The following DNAH14 variants were observed in gnomAD, a reference collection of about 807,000 sequenced individuals.
DNAH14 encodes the protein dynein axonemal heavy chain 14.
A neutral mutation model predicts 520.9 loss-of-function variants in DNAH14; 478 were observed. The observed-to-expected ratio is 0.92, with a 90% CI of 0.85 to 0.99. The LOEUF is 0.99. Among genes scored for constraint, DNAH14 ranks in the 50% least tolerant of loss-of-function variants. The probability of loss-of-function intolerance (pLI) is 0.00; values close to 1 mark genes in which losing one functional copy is unlikely to be tolerated. For missense variants in DNAH14, 4,831 were observed against 5,234.5 expected, an observed-to-expected ratio of 0.92 and a Z score of 2.38; for synonymous variants, 1,581 against 1,757.2, an observed-to-expected ratio of 0.90 and a Z score of 2.51.
At chr1:225,201,370 A>G (rs1165576653) in intron 38 of DNAH14, among the ~76,000 whole-genome samples, 1 of 152,012 alleles carries the variant, frequency 6.6e-6, no homozygotes, top group East Asian at 1.9e-4. Context: ...CAGGTAAATC[A>G]GGGATTTCGT....
At chr1:225,228,836 A>G (rs621210) in intron 41 of DNAH14, among the ~76,000 whole-genome samples, 22,958 of 152,044 alleles carry the variant, frequency 0.15, 2,030 homozygotes, top group East Asian at 0.36. Flanking sequence ...AAATTATAGG[A>G]AAAGATGCAA....
intron 17 of DNAH14, among the ~76,000 whole-genome samples, chr1:225,077,170 A>G (rs2072397421): frequency 6.6e-6 from 1 of 152,208 alleles, no homozygotes; most frequent in Non-Finnish European, 1.5e-5. Flanking sequence ...ATCTATTGAG[A>G]TAATCTTGCA....
At chr1:224,970,251 C>G (rs1255592139) in intron 7 of DNAH14, among the ~76,000 whole-genome samples, 1 of 152,106 alleles carries the variant, frequency 6.6e-6, no homozygotes, top group African/African-American at 2.4e-5. Flanking sequence ...CGCTCCCAGG[C>G]TTATTAGGAC....
intron 8 of DNAH14, among the ~76,000 whole-genome samples, chr1:224,982,768 T>A (rs1277266887): frequency 6.6e-6 from 1 of 152,192 alleles, no homozygotes; most frequent in East Asian, 1.9e-4. Context: ...TGTATTTGCA[T>A]GATTTTGGAG....
chr1:224,958,503 A>C (rs1572053806), intron 3 of DNAH14, among the ~76,000 whole-genome samples: 1 of 152,234 alleles, frequency 6.6e-6, no homozygotes, highest in East Asian at 1.9e-4. Context: ...CTGTGGAAAG[A>C]CATAATCTAA....
chr1:225,020,624 T>G (rs891938582), intron 10 of DNAH14, among the ~76,000 whole-genome samples: 2 of 151,574 alleles, frequency 1.3e-5, no homozygotes, highest in Admixed American at 6.6e-5. Context: ...AGGAAGAAAT[T>G]GAAATCCTGA....
intron 10 of DNAH14, among the ~76,000 whole-genome samples, chr1:225,019,581 C>T (rs2065491936): frequency 6.6e-6 from 1 of 152,112 alleles, no homozygotes; most frequent in Admixed American, 6.5e-5. Flanking sequence ...CTAACAGACA[C>T]CTACAGAACA....
Position 225,202,422 on chromosome 1 carries a change from G to A in DNAH14, c.5887-1761G>A, listed in dbSNP as rs1471350236. On this transcript the variant is annotated intron_variant, in intron 38 of 85. Transcript: ENST00000682510. ...CAGATCAATGGAGTTATGTTCCTAG[G>A]AGGATTATGGCTGCCTCTACTGTGT... Among the ~76,000 whole-genome samples the A allele has an allele frequency of 2.6e-5, 4 of 152,262 alleles. No individual in the cohort carries two copies. The South Asian group carries it at 6.2e-4, about 24-fold the overall frequency.
At chr1:225,274,663 A>G (rs2093422079) in intron 52 of DNAH14, among the ~76,000 whole-genome samples, 1 of 152,236 alleles carries the variant, frequency 6.6e-6, no homozygotes, top group South Asian at 2.1e-4. Context: ...ACTTAACCAG[A>G]CTAAGAAATA....
chr1:224,946,221 G>T (rs1281722444), intron 1 of DNAH14, among the ~76,000 whole-genome samples: 2 of 152,164 alleles, frequency 1.3e-5, no homozygotes, highest in African/African-American at 4.8e-5. Flanking sequence ...TCTCACTGCG[G>T]CCTTGCCCTT....
At chr1:225,349,627 A>G (rs2095336495) in intron 71 of DNAH14, among the ~76,000 whole-genome samples, 1 of 152,212 alleles carries the variant, frequency 6.6e-6, no homozygotes, top group South Asian at 2.1e-4. Context: ...TGCAAGTGGT[A>G]ACCAAAGAGA....
chr1:225,333,246 T>C, intron 65 of DNAH14, 45 bp from the exon 66 acceptor site: 1 of 1,394,030 alleles, frequency 7.2e-7, no homozygotes, highest in Non-Finnish European at 9.7e-7. Flanking sequence ...TATCTCATGA[T>C]AATATATTTT....
chr1:225,211,133 C>G (rs1238130040), intron 41 of DNAH14, among the ~76,000 whole-genome samples: 1 of 152,130 alleles, frequency 6.6e-6, no homozygotes. Flanking sequence ...AGGAAGGCAA[C>G]AAAACTGAAT....
chr1:225,169,238 C>G (rs1433068207), intron 36 of DNAH14, among the ~76,000 whole-genome samples: 2 of 152,172 alleles, frequency 1.3e-5, no homozygotes, highest in African/African-American at 4.8e-5. Flanking sequence ...AATCAGAGAG[C>G]CTCTCCTCCT....
chr1:225,285,750 A>G (rs755625722), intron 54 of DNAH14, among the ~76,000 whole-genome samples: 32 of 152,006 alleles, frequency 2.1e-4, no homozygotes, highest in Non-Finnish European at 4.0e-4. Flanking sequence ...CCAGCTACTC[A>G]GGAGGCTGAG....
chr1:225,029,406 A>T (rs2066369855), intron 11 of DNAH14, among the ~76,000 whole-genome samples: 1 of 152,088 alleles, frequency 6.6e-6, no homozygotes, highest in South Asian at 2.1e-4. Context: ...ATACCTGAGA[A>T]GCATGAATTT....
intron 41 of DNAH14, among the ~76,000 whole-genome samples, chr1:225,209,789 A>G (rs984838850): frequency 1.3e-5 from 2 of 152,196 alleles, no homozygotes; most frequent in South Asian, 4.2e-4. Flanking sequence ...TGCATTTCCA[A>G]CTGAGGTACC....
intron 27 of DNAH14, among the ~76,000 whole-genome samples, chr1:225,128,719 G>A (rs2078049161): frequency 6.6e-6 from 1 of 152,094 alleles, no homozygotes. Flanking sequence ...CGTACTGAAT[G>A]GGCAAAACCT....
In DNAH14 at chr1:225,146,662, C is replaced by T. The variant is rs184858088; in HGVS notation, c.4795-442C>T. Among the ~76,000 whole-genome samples the T allele has an allele frequency of 4.2e-3, 634 of 152,298 alleles. 4 individuals are homozygous for T. Among genetic ancestry groups the T allele is most frequent in the African/African-American group, 0.014 (601 of 41,564 alleles). On this transcript the variant is annotated intron_variant, in intron 30 of 85. Transcript: ENST00000682510. ...TCTTTTGCATTGCCCATCAGCTGCC[C>T]GCCACTAAGCCATAAGGCATCTTTG...
Sources: gnomAD v4.1 joint callset for allele counts (sites outside exome capture counted in the v4.1 genomes callset) on GRCh38, gnomAD v4.1.1 for gene constraint, MANE v1.5 for transcripts, NCBI Gene and HGNC (gene_info 2026-07-23, HGNC 2026-07-21) for gene names.